Variants in DGKG observed in about 807,000 individuals in gnomAD.
DGKG encodes DAG kinase gamma.
Under a neutral mutation model 105.3 loss-of-function variants are expected in DGKG, and 78 were observed. The observed-to-expected ratio is 0.74, with a 90% confidence interval of 0.62 to 0.89. DGKG has a LOEUF of 0.89. DGKG is among the 40% of genes least tolerant of loss of function. The pLI is 0.00. For synonymous variants in DGKG, 346 were observed against 367.1 expected (o/e 0.94, Z 0.66); for missense variants, 958 against 1,020.1 (o/e 0.94, Z 0.83).
At chr3:186,263,730 T>G (rs2108576217) in intron 14 of DGKG, among the ~76,000 whole-genome samples, 1 of 150,564 alleles carries the variant, frequency 6.6e-6, no homozygotes, top group East Asian at 2.0e-4. Flanking sequence ...GGGAGCAGAG[T>G]GGGGTGTGTG....
intron 19 of DGKG, among the ~76,000 whole-genome samples, chr3:186,249,432 C>T (rs898066742): frequency 6.6e-6 from 1 of 152,252 alleles, no homozygotes; most frequent in African/African-American, 2.4e-5. Flanking sequence ...GATAATAATG[C>T]CCTTCAGAAT....
intron 20 of DGKG, among the ~76,000 whole-genome samples, chr3:186,233,533 G>A (rs1288640644): frequency 6.6e-6 from 1 of 152,194 alleles, no homozygotes; most frequent in Non-Finnish European, 1.5e-5. Flanking sequence ...AGGCTGGACT[G>A]CAGTGGCGCG....
intron 1 of DGKG, among the ~76,000 whole-genome samples, chr3:186,333,789 G>A (rs935175338): frequency 1.3e-5 from 2 of 152,158 alleles, no homozygotes; most frequent in Non-Finnish European, 2.9e-5. Flanking sequence ...ATGGGGCTTG[G>A]GCAGGTCTAG....
intron 14 of DGKG, chr3:186,262,085 G>T (rs886668280): frequency 1.9e-5 from 5 of 258,258 alleles, no homozygotes; most frequent in African/African-American, 1.2e-4. Context: ...ATGAAATTTT[G>T]TGGGAGACAC....
rs778488993 is a variant in DGKG at position 186,188,424 on chromosome 3, GT to G, written c.1918-46del. 22 of 1,599,256 alleles carry G rather than the reference GT, an allele frequency of 1.4e-5. 2 individuals carry two copies. The South Asian group carries it at 2.3e-4, about 17-fold the overall frequency. On this transcript the variant is annotated intron_variant, in intron 21 of 24. Transcript: ENST00000265022. ...GGCCATCTGTTAGTGTCCTCAGTGT[GT>G]CACAACCCAAGGTGCTCTGTGTGTG...
At chr3:186,330,442 C>A (rs1166686421) in intron 1 of DGKG, among the ~76,000 whole-genome samples, 1 of 152,182 alleles carries the variant, frequency 6.6e-6, no homozygotes, top group African/African-American at 2.4e-5. Flanking sequence ...TGAGTCCGGG[C>A]TGCACCTGTA....
chr3:186,161,887 C>CTGTGTGTG (rs34580207), intron 23 of DGKG, among the ~76,000 whole-genome samples: 2 of 150,204 alleles, frequency 1.3e-5, no homozygotes, highest in African/African-American at 4.9e-5. Flanking sequence ...GTTTCTGTGT[C>CTGTGTGTG]TGTGTGTGTG....
intron 2 of DGKG, among the ~76,000 whole-genome samples, chr3:186,315,827 G>A (rs1724791535): frequency 6.6e-6 from 1 of 152,164 alleles, no homozygotes; most frequent in Non-Finnish European, 1.5e-5. Context: ...GAAATGTGGA[G>A]TCCGTTCCTC....
chr3:186,330,374 A>G (rs1173591793), intron 1 of DGKG, among the ~76,000 whole-genome samples: 3 of 152,170 alleles, frequency 2.0e-5, no homozygotes, highest in Non-Finnish European at 4.4e-5. Flanking sequence ...CGTCATTTAC[A>G]TTGGTGGTCC....
At chr3:186,243,306 C>T (rs16860604) in intron 19 of DGKG, among the ~76,000 whole-genome samples, 5,719 of 152,080 alleles carry the variant, frequency 0.038, 368 homozygotes, top group African/African-American at 0.13. Flanking sequence ...CATGTGGACA[C>T]TGCCCTCCTA....
intron 1 of DGKG, among the ~76,000 whole-genome samples, chr3:186,329,973 A>G (rs1725525108): frequency 6.6e-6 from 1 of 152,232 alleles, no homozygotes; most frequent in Non-Finnish European, 1.5e-5. Flanking sequence ...CAAGATTTCT[A>G]AGAGTTCATT....
intron 22 of DGKG, among the ~76,000 whole-genome samples, chr3:186,175,749 A>G (rs747605142): frequency 2.0e-5 from 3 of 152,212 alleles, no homozygotes; most frequent in Non-Finnish European, 4.4e-5. Flanking sequence ...CATGGGATCT[A>G]ATTAAACTAA....
At chr3:186,216,383 A>C (rs1233393250) in intron 20 of DGKG, among the ~76,000 whole-genome samples, 1 of 152,010 alleles carries the variant, frequency 6.6e-6, no homozygotes, top group Non-Finnish European at 1.5e-5. Context: ...TTCAAAATGG[A>C]AATGCTTCTA....
intron 24 of DGKG, among the ~76,000 whole-genome samples, chr3:186,152,923 A>G (rs1471119298): frequency 1.3e-5 from 2 of 149,972 alleles, no homozygotes; most frequent in Non-Finnish European, 2.9e-5. Context: ...CGGCCTCCCA[A>G]AGTGCTGGGA....
chr3:186,194,432 G>A (rs1158249261), intron 21 of DGKG, among the ~76,000 whole-genome samples: 1 of 152,228 alleles, frequency 6.6e-6, no homozygotes, highest in Admixed American at 6.5e-5. Context: ...TCAAAAGGGC[G>A]GCGGGCGGGG....
chr3:186,158,080 A>G (rs909604514), intron 24 of DGKG: 9 of 431,052 alleles, frequency 2.1e-5, no homozygotes, highest in African/African-American at 1.9e-4. Context: ...TTACCTTTTA[A>G]TATGTTTGAT....
At chr3:186,257,433 T>C (rs1721532446) in intron 17 of DGKG, among the ~76,000 whole-genome samples, 1 of 152,230 alleles carries the variant, frequency 6.6e-6, no homozygotes, top group Non-Finnish European at 1.5e-5. Flanking sequence ...CTAGATGCAC[T>C]TTCTGGACTC....
intron 1 of DGKG, among the ~76,000 whole-genome samples, chr3:186,340,204 C>A (rs1485535490): frequency 6.6e-6 from 1 of 152,128 alleles, no homozygotes; most frequent in East Asian, 1.9e-4. Flanking sequence ...TTTTCAGTAC[C>A]AGCTGTAGAA....
chr3:186,351,290 G>A (rs1056989287), intron 1 of DGKG, among the ~76,000 whole-genome samples: 1 of 152,080 alleles, frequency 6.6e-6, no homozygotes, highest in African/African-American at 2.4e-5. Flanking sequence ...TATTAATTTG[G>A]TTATTTCAGT....
Sources: gnomAD v4.1 joint callset for allele counts (sites outside exome capture counted in the v4.1 genomes callset) on GRCh38, gnomAD v4.1.1 for gene constraint, MANE v1.5 for transcripts, NCBI Gene and HGNC (gene_info 2026-07-23, HGNC 2026-07-21) for gene names.